Variants in R3HDM2 observed in about 807,000 individuals in gnomAD.
R3HDM2 encodes the protein R3H domain containing 2.
Under a neutral mutation model 124.5 loss-of-function variants are expected in R3HDM2, and 38 were observed. The ratio of observed to expected loss-of-function variants is 0.31; its 90% CI spans 0.24 to 0.40. R3HDM2 has a LOEUF of 0.40. Ranked by LOEUF, R3HDM2 falls within the 10% of genes least tolerant of loss-of-function variation. R3HDM2 has a pLI of 1.00. For synonymous variants in R3HDM2, 391 were observed against 448.0 expected, an observed-to-expected ratio of 0.87 and a Z score of 1.61; for missense variants, 869 against 1,236.9, an observed-to-expected ratio of 0.70 and a Z score of 4.46.
intron 1 of R3HDM2, among the ~76,000 whole-genome samples, chr12:57,406,201 A>G (rs1292967948): frequency 1.3e-5 from 2 of 151,724 alleles, no homozygotes; most frequent in African/African-American, 4.8e-5. Context: ...GGCGCCTGTA[A>G]TCCCAGCTAC....
intron 1 of R3HDM2, among the ~76,000 whole-genome samples, chr12:57,406,232 A>C (rs2068510960): frequency 6.6e-6 from 1 of 151,732 alleles, no homozygotes; most frequent in African/African-American, 2.4e-5. Context: ...GAGGCAGGAG[A>C]ATCGCTTGAA....
intron 17 of R3HDM2, 85 bp downstream of exon 17, chr12:57,268,837 T>A: frequency 1.4e-6 from 2 of 1,474,320 alleles, no homozygotes; most frequent in Non-Finnish European, 1.8e-6. Context: ...AGTATTGGAG[T>A]TTTTAGTATG....
chr12:57,267,295 G>A (rs188040201), intron 18 of R3HDM2, among the ~76,000 whole-genome samples: 7 of 152,254 alleles, frequency 4.6e-5, no homozygotes, highest in Admixed American at 1.3e-4. Context: ...AGTGGCTTAC[G>A]CCTGTAATCC....
intron 2 of R3HDM2, among the ~76,000 whole-genome samples, chr12:57,326,088 A>G (rs1258505043): frequency 2.0e-5 from 3 of 152,228 alleles, no homozygotes; most frequent in African/African-American, 7.2e-5. Context: ...CATGTAAGAC[A>G]GTGAACTTAA....
At chr12:57,385,388 G>A (rs2065574173) in intron 2 of R3HDM2, among the ~76,000 whole-genome samples, 1 of 150,702 alleles carries the variant, frequency 6.6e-6, no homozygotes, top group Non-Finnish European at 1.5e-5. Context: ...ACTTACAGGC[G>A]CCTGCCACCA....
intron 1 of R3HDM2, among the ~76,000 whole-genome samples, chr12:57,412,880 A>C (rs2069137235): frequency 6.6e-6 from 1 of 151,482 alleles, no homozygotes; most frequent in African/African-American, 2.4e-5. Flanking sequence ...GGCCGGGTGC[A>C]GTGGCTCACG....
chr12:57,327,975 A>G (rs1178153160), intron 2 of R3HDM2, among the ~76,000 whole-genome samples: 1 of 152,212 alleles, frequency 6.6e-6, no homozygotes, highest in African/African-American at 2.4e-5. Flanking sequence ...CCAATTTTGC[A>G]AGTTCAACTG....
At chr12:57,301,887 G>T (rs2051262222) in intron 4 of R3HDM2, among the ~76,000 whole-genome samples, 2 of 152,198 alleles carry the variant, frequency 1.3e-5, no homozygotes, top group African/African-American at 4.8e-5. Flanking sequence ...ACTAACACAT[G>T]TAGTCTTCCC....
intron 14 of R3HDM2, among the ~76,000 whole-genome samples, chr12:57,277,009 C>T (rs1019332887): frequency 1.3e-5 from 2 of 151,058 alleles, no homozygotes; most frequent in African/African-American, 2.4e-5. Context: ...GATGGGTGCA[C>T]CACAATCTCA....
At chr12:57,400,658 C>T (rs895042402) in intron 1 of R3HDM2, among the ~76,000 whole-genome samples, 3 of 152,154 alleles carry the variant, frequency 2.0e-5, no homozygotes, top group Non-Finnish European at 4.4e-5. Context: ...TCTGCTCCTG[C>T]AGCAGAGCCC....
chr12:57,357,082 G>A (rs1357802234), intron 2 of R3HDM2, among the ~76,000 whole-genome samples: 1 of 151,318 alleles, frequency 6.6e-6, no homozygotes, highest in Non-Finnish European at 1.5e-5. Flanking sequence ...CAGCCTGGGC[G>A]ACACAGCGAG....
In R3HDM2 at chr12:57,430,880, G is replaced by C. The variant is rs1275862392; in HGVS notation, c.-266C>G. ...CCCGGGGCCGAGGGCTGGGAAGCAG[G>C]GGGGACTGGGACGGGGGAGGGGAAA... On this transcript the variant is annotated 5_prime_UTR_variant, in exon 1 of 24. Transcript: ENST00000402412. 1 of 149,044 alleles carries C rather than the reference G, an allele frequency of 6.7e-6. No individual in the cohort carries two copies. The highest frequency in any genetic ancestry group is 2.5e-5 in the African/African-American group (1 of 40,798). 9.2% of individuals were successfully genotyped at this position (149,044 alleles called of 1,614,324 possible).
At chr12:57,327,721 T>A (rs1053139638) in intron 2 of R3HDM2, among the ~76,000 whole-genome samples, 5 of 152,006 alleles carry the variant, frequency 3.3e-5, no homozygotes, top group African/African-American at 1.2e-4. Flanking sequence ...GAAGATGGGG[T>A]GGAAATAGCC....
intron 2 of R3HDM2, among the ~76,000 whole-genome samples, chr12:57,370,399 G>GT (rs112702069): frequency 7.6e-6 from 1 of 131,028 alleles, no homozygotes; most frequent in African/African-American, 2.8e-5. Context: ...GGGAGGCCCG[G>GT]GGGGGGGGGG....
intron 1 of R3HDM2, among the ~76,000 whole-genome samples, chr12:57,405,223 G>T (rs889138655): frequency 2.0e-5 from 3 of 152,010 alleles, no homozygotes; most frequent in African/African-American, 7.2e-5. Flanking sequence ...TAGAAATGCG[G>T]GTCTCACTGT....
intron 19 of R3HDM2, among the ~76,000 whole-genome samples, chr12:57,260,631 G>A (rs1298623914): frequency 6.6e-6 from 1 of 152,174 alleles, no homozygotes; most frequent in African/African-American, 2.4e-5. Context: ...TGACCTCCCA[G>A]GCTATATTCC....
chr12:57,415,744 A>G (rs1478091695), intron 1 of R3HDM2, among the ~76,000 whole-genome samples: 1 of 152,196 alleles, frequency 6.6e-6, no homozygotes, highest in Non-Finnish European at 1.5e-5. Context: ...TGCACACAAC[A>G]TCACCTGGGT....
chr12:57,280,528 T>A lies in R3HDM2; in HGVS notation c.1174A>T (p.Met392Leu). The change falls in exon 14 of 24, where the codon ATG becomes TTG. Residue 392 changes from methionine (M) to leucine (L), a missense_variant and splice_region_variant. This residue lies in a region of R3HDM2 where 602 missense variants were observed against 789.2 expected (regional missense o/e 0.76). Coordinates refer to ENST00000402412, the MANE Select transcript of R3HDM2 (RefSeq NM_001394031.1). ...GSAGRISRPG[M>L]ALGAPEVCNQ... Reference sequence around the variant, plus strand: ...CACACTTCTGGGGCACCTAGTGCCATACCTAAGGCAAAGAAGAAACCCACA... The same window carrying A: ...CACACTTCTGGGGCACCTAGTGCCAAACCTAAGGCAAAGAAGAAACCCACA... 2 of 1,590,932 alleles carry A rather than the reference T, an allele frequency of 1.3e-6. No individual in the cohort carries two copies. The highest frequency in any genetic ancestry group is 1.7e-4 in the Middle Eastern group (1 of 5,928).
rs541220149 is a variant in R3HDM2 at position 57,419,672 on chromosome 12, C to A, written c.-106+11048G>T. Among the ~76,000 whole-genome samples the A allele has an allele frequency of 1.2e-3, 189 of 152,158 alleles. 1 individual carries two copies. Among genetic ancestry groups the A allele is most frequent in the African/African-American group, 4.2e-3 (173 of 41,532 alleles). ...GCCCAGATTGCTTTCAAACTCCTGACATGATGTAATTCTCCCGCCTTGACC... is the reference window on the plus strand; with the variant it reads ...GCCCAGATTGCTTTCAAACTCCTGAAATGATGTAATTCTCCCGCCTTGACC... On this transcript the variant is annotated intron_variant, in intron 1 of 23. Coordinates refer to ENST00000402412, the MANE Select transcript of R3HDM2 (RefSeq NM_001394031.1).
Sources: gnomAD v4.1 joint callset for allele counts (sites outside exome capture counted in the v4.1 genomes callset) on GRCh38, gnomAD v4.1.1 for gene constraint, gnomAD v4.1.1 regional missense constraint, MANE v1.5 for transcripts, NCBI Gene and HGNC (gene_info 2026-07-23, HGNC 2026-07-21) for gene names.